ASGR2: variants seen among roughly 807,000 people sequenced by gnomAD.
The protein encoded by ASGR2 is C-type lectin domain family 4 member H2.
In ASGR2, 34 loss-of-function variants were observed where a neutral mutation model predicts 32.3. The observed-to-expected ratio is 1.05, with a 90% CI of 0.80 to 1.40. ASGR2 has a LOEUF of 1.40. Among genes scored for constraint, ASGR2 ranks in the 40% most tolerant of loss-of-function variants. ASGR2 has a pLI of 0.00. For synonymous variants in ASGR2, 143 were observed against 150.0 expected, an observed-to-expected ratio of 0.95 and a Z score of 0.34; for missense variants, 385 against 386.4, an observed-to-expected ratio of 1.00 and a Z score of 0.03.
rs1051778223 is a variant in ASGR2 at position 7,108,402 on chromosome 17, C to T, written c.337+60G>A. 3 of 1,508,924 alleles carry T rather than the reference C, an allele frequency of 2.0e-6. No individual in the cohort carries two copies. Among genetic ancestry groups the T allele is most frequent in the Middle Eastern group, 1.9e-4 (1 of 5,372 alleles). 93.5% of individuals were successfully genotyped at this position (1,508,924 alleles called of 1,614,324 possible). A position where few individuals can be genotyped will look rare whatever the true frequency, so the allele number is the denominator to read the frequency against. ...ACCCCACACAGCCCTGTTGCAGACT[C>T]GGCACTGAGCCCAGCAAACCTGTGC... On this transcript the variant is annotated intron_variant, in intron 4 of 8. Coordinates refer to ENST00000691900, the MANE Select transcript of ASGR2 (RefSeq NM_001201352.2). This position sits in a 1 kb window ranked among gnomAD's most constrained non-coding sequence, Gnocchi z 4.9.
chr17:7,107,457 C>CA lies in ASGR2; in HGVS notation c.410-141_410-140insT. On this transcript the variant is annotated intron_variant, in intron 5 of 8. Coordinates refer to ENST00000691900, the MANE Select transcript of ASGR2 (RefSeq NM_001201352.2). The surrounding 1 kb of genome is among the most constrained non-coding windows in gnomAD (Gnocchi z 5.0). ...CACCACACACCATACCACACACACACCACAGACATGTACACCACACATAGA... is the reference window on the plus strand; with the variant it reads ...CACCACACACCATACCACACACACACACACAGACATGTACACCACACATAGA... 1.2e-6 allele frequency: 1 copy of CA among 824,142 alleles called. No individual in the cohort carries two copies. The highest frequency in any genetic ancestry group is 1.9e-6 in the Non-Finnish European group (1 of 513,002). The allele number at this position is 824,142 out of a possible 1,614,324, so 51.1% of individuals were successfully genotyped here. A position where few individuals can be genotyped will look rare whatever the true frequency, so the allele number is the denominator to read the frequency against.
intron 2 of ASGR2, among the ~76,000 whole-genome samples, chr17:7,109,114 T>C (rs1914293081): frequency 6.6e-6 from 1 of 151,402 alleles, no homozygotes; most frequent in Admixed American, 6.6e-5. Context: ...GCTAATCTGG[T>C]GCACACACAC....
Position 7,107,399 on chromosome 17 carries a change from A to G in ASGR2, c.410-82T>C, listed in dbSNP as rs932528281. The G allele has an allele frequency of 1.4e-4, 190 of 1,384,160 alleles. 2 individuals carry two copies. The South Asian group carries it at 1.7e-3, about 13-fold the overall frequency. The allele number at this position is 1,384,160 out of a possible 1,614,324, so 85.7% of individuals were successfully genotyped here. On this transcript the variant is annotated intron_variant, in intron 5 of 8. Coordinates refer to ENST00000691900, the MANE Select transcript of ASGR2 (RefSeq NM_001201352.2). This position sits in a 1 kb window ranked among gnomAD's most constrained non-coding sequence, Gnocchi z 5.0. ...CCAGCCTGTGGCTGGGGAAGCATATACACCCACAGACACGTACACCATGCA... is the reference window on the plus strand; with the variant it reads ...CCAGCCTGTGGCTGGGGAAGCATATGCACCCACAGACACGTACACCATGCA...
In ASGR2 at chr17:7,108,931, G is replaced by A. The variant is rs745692397; in HGVS notation, c.125-43C>T. 13 of 1,519,256 alleles carry A rather than the reference G, an allele frequency of 8.6e-6. No homozygotes were observed. The highest frequency in any genetic ancestry group is 1.2e-5 in the Non-Finnish European group (13 of 1,129,216). The allele number at this position is 1,519,256 out of a possible 1,614,324, so 94.1% of individuals were successfully genotyped here. A position where few individuals can be genotyped will look rare whatever the true frequency, so the allele number is the denominator to read the frequency against. Reference sequence around the variant, plus strand: ...CAGGAGCCGGCAGCCTGGGTGTGGGGAGCCGGAGGGTAAAGACAGGGCACC... The same window carrying A: ...CAGGAGCCGGCAGCCTGGGTGTGGGAAGCCGGAGGGTAAAGACAGGGCACC... On this transcript the variant is annotated intron_variant, in intron 2 of 8. Transcript: ENST00000691900. This position sits in a 1 kb window ranked among gnomAD's most constrained non-coding sequence, Gnocchi z 4.9.
chr17:7,114,494 C>G lies in ASGR2; in HGVS notation c.-71+121G>C, dbSNP rs1915225595. ...TTGGGCCTTGACCTGGCCAGGAGAC[C>G]CCTCCCCACGCTCATGGACCCGACC... On this transcript the variant is annotated intron_variant, in intron 1 of 8. Transcript: ENST00000691900. This position sits in a 1 kb window ranked among gnomAD's most constrained non-coding sequence, Gnocchi z 4.5. 2 of 1,312,856 alleles carry G rather than the reference C, an allele frequency of 1.5e-6. No homozygotes were observed. Among genetic ancestry groups the G allele is most frequent in the Non-Finnish European group, 1.9e-6 (2 of 1,025,962 alleles). 81.3% of individuals were successfully genotyped at this position (1,312,856 alleles called of 1,614,324 possible). A position where few individuals can be genotyped will look rare whatever the true frequency, so the allele number is the denominator to read the frequency against.
Position 7,101,540 on chromosome 17 carries a change from G to A in ASGR2, c.*35C>T. The A allele has an allele frequency of 6.2e-7, 1 of 1,603,044 alleles. No individual in the cohort carries two copies. Among genetic ancestry groups the A allele is most frequent in the Non-Finnish European group, 8.5e-7 (1 of 1,172,512 alleles). Reference sequence around the variant, plus strand: ...CAACAGAGAAGCCAGAGCTGGGCAGGTGTGGGGTATGGGTTAGCCAGAGGT... The same window carrying A: ...CAACAGAGAAGCCAGAGCTGGGCAGATGTGGGGTATGGGTTAGCCAGAGGT... On this transcript the variant is annotated 3_prime_UTR_variant, in exon 9 of 9. Coordinates refer to ENST00000691900, the MANE Select transcript of ASGR2 (RefSeq NM_001201352.2).
chr17:7,113,407 G>A lies in ASGR2; in HGVS notation c.124+710C>T, dbSNP rs563170926. On this transcript the variant is annotated intron_variant, in intron 2 of 8. Transcript: ENST00000691900. The surrounding 1 kb of genome is among the most constrained non-coding windows in gnomAD (Gnocchi z 5.1). ...ACATACACACACAACACACACACTC[G>A]CACAACATACACACACGCACAACAT... Among the ~76,000 whole-genome samples, 139 of 130,210 alleles carry A rather than the reference G, an allele frequency of 1.1e-3. 1 individual carries two copies. Among genetic ancestry groups the A allele is most frequent in the African/African-American group, 3.9e-3 (131 of 33,826 alleles). 85.4% of individuals were successfully genotyped at this position (130,210 alleles called of 152,430 possible).
At chr17:7,109,741 T>G (rs578096004) in intron 2 of ASGR2, among the ~76,000 whole-genome samples, 28 of 152,062 alleles carry the variant, frequency 1.8e-4, no homozygotes, top group African/African-American at 6.0e-4. Context: ...AACACACATT[T>G]GCACACACTC....
intron 2 of ASGR2, among the ~76,000 whole-genome samples, chr17:7,112,921 A>C (rs930890384): frequency 6.6e-6 from 1 of 152,012 alleles, no homozygotes; most frequent in Non-Finnish European, 1.5e-5. Flanking sequence ...TCTGCCTAGC[A>C]CTGCTCAGAT....
At chr17:7,103,945 T>G (rs1293826944) in intron 7 of ASGR2, among the ~76,000 whole-genome samples, 1 of 151,060 alleles carries the variant, frequency 6.6e-6, no homozygotes, top group Non-Finnish European at 1.5e-5. Flanking sequence ...CAAGAACAGT[T>G]TCTTTACATG....
Position 7,114,490 on chromosome 17 carries a change from A to C in ASGR2, c.-71+125T>G, listed in dbSNP as rs1915224914. On this transcript the variant is annotated intron_variant, in intron 1 of 8. Coordinates refer to ENST00000691900, the MANE Select transcript of ASGR2 (RefSeq NM_001201352.2). This position sits in a 1 kb window ranked among gnomAD's most constrained non-coding sequence, Gnocchi z 4.5. ...CCGCTTGGGCCTTGACCTGGCCAGG[A>C]GACCCCTCCCCACGCTCATGGACCC... 3.0e-6 allele frequency: 4 copies of C among 1,327,290 alleles called. No individual in the cohort carries two copies. The East Asian group carries it at 1.3e-4, about 42-fold the overall frequency. The allele number at this position is 1,327,290 out of a possible 1,614,324, so 82.2% of individuals were successfully genotyped here. A position where few individuals can be genotyped will look rare whatever the true frequency, so the allele number is the denominator to read the frequency against.
Position 7,108,661 on chromosome 17 carries a change from C to T in ASGR2, c.242-104G>A, listed in dbSNP as rs749487542. On this transcript the variant is annotated intron_variant, in intron 3 of 8. Transcript: ENST00000691900. This position sits in a 1 kb window ranked among gnomAD's most constrained non-coding sequence, Gnocchi z 4.9. ...GTCCCCGCATTTGCCCCAGCTTGTG[C>T]TCCACCCCGCCTCCATCCCTTCCCC... The T allele has an allele frequency of 4.1e-5, 66 of 1,602,048 alleles. No individual in the cohort carries two copies. Among genetic ancestry groups the T allele is most frequent in the Non-Finnish European group, 5.5e-5 (65 of 1,172,634 alleles).
chr17:7,101,713 A>G lies in ASGR2; in HGVS notation c.783T>C (p.Asn261=), dbSNP rs765338093. ...TTCCACCCAGCTCGTGCCCGTGCCA[A>G]TTATCTGGCTGAGTGACAGCCCAGT... is the stretch of plus-strand genomic sequence containing the variant. ...YKNWAVTQPD[N]WHGHELGGSE... The change falls in exon 9 of 9, where the codon AAT becomes AAC. Residue 261 remains asparagine, a synonymous_variant. Transcript: ENST00000691900. The G allele has an allele frequency of 5.6e-6, 9 of 1,614,002 alleles. No homozygotes were observed. Among genetic ancestry groups the G allele is most frequent in the East Asian group, 2.2e-5 (1 of 44,894 alleles).
In ASGR2 at chr17:7,107,938, T is replaced by C. The variant is rs1914069883; in HGVS notation, c.338-31A>G. ...AGCGGAAAGCCAGCTGTTTCCCCGC[T>C]GAGCCTCCCTCCGTCCTCATGCTGC... On this transcript the variant is annotated intron_variant, in intron 4 of 8. Coordinates refer to ENST00000691900, the MANE Select transcript of ASGR2 (RefSeq NM_001201352.2). The surrounding 1 kb of genome is among the most constrained non-coding windows in gnomAD (Gnocchi z 5.0). 1 of 1,613,122 alleles carries C rather than the reference T, an allele frequency of 6.2e-7. No homozygotes were observed. Among genetic ancestry groups the C allele is most frequent in the South Asian group, 1.1e-5 (1 of 90,994 alleles).
rs531929675 is a variant in ASGR2 at position 7,112,774 on chromosome 17, G to A, written c.124+1343C>T. Among the ~76,000 whole-genome samples the A allele has an allele frequency of 1.2e-4, 19 of 152,088 alleles. No homozygotes were observed. The South Asian group carries it at 3.7e-3, about 30-fold the overall frequency. On this transcript the variant is annotated intron_variant, in intron 2 of 8. Transcript: ENST00000691900. ...CCCTCGGTTGGCCAGCCTCAGGAAT[G>A]AGGAGTCCCTCATTCCAGCCCAGCT...
At chr17:7,105,937 C>T (rs1247923634) in intron 7 of ASGR2, among the ~76,000 whole-genome samples, 3 of 151,850 alleles carry the variant, frequency 2.0e-5, no homozygotes, top group Admixed American at 2.0e-4. Context: ...TACAGGCACC[C>T]GCCACCATGC....
Position 7,101,587 on chromosome 17 carries a change from G to A in ASGR2, c.909C>T (p.Gly303=), listed in dbSNP as rs140278403. Reference sequence around the variant, plus strand: ...AGGTGTGCTGGGGTCAGGCCACCTCGCCGGTGGCATTCCGCCTTTTCTCAC... The same window carrying A: ...AGGTGTGCTGGGGTCAGGCCACCTCACCGGTGGCATTCCGCCTTTTCTCAC... ...WVCEKRRNAT[G]EVA is the part of the protein sequence containing the mutation. The change falls in exon 9 of 9, where the codon GGC becomes GGT. Residue 303 remains glycine, a synonymous_variant. Transcript: ENST00000691900. 3.2e-3 allele frequency: 5,098 copies of A among 1,614,094 alleles called. 65 individuals carry two copies. Among genetic ancestry groups the A allele is most frequent in the Middle Eastern group, 0.027 (166 of 6,062 alleles).
In ASGR2 at chr17:7,107,027, C is replaced by A. The variant is rs1484718443; in HGVS notation, c.621G>T (p.Leu207=). 1 of 1,614,176 alleles carries A rather than the reference C, an allele frequency of 6.2e-7. No homozygotes were observed. Among genetic ancestry groups the A allele is most frequent in the East Asian group, 2.2e-5 (1 of 44,874 alleles). The part of the protein sequence containing the change: ...EKYCQLENAH[L]VVINSWEEQK... ...GCTCCTCCCAGGAGTTGATGACCAC[C>A]AGGTGTGCGTTCTCCAGCTGGCAGT... The change falls in exon 7 of 9, where the codon CTG becomes CTT. Residue 207 remains leucine, a synonymous_variant. Coordinates refer to ENST00000691900, the MANE Select transcript of ASGR2 (RefSeq NM_001201352.2). The surrounding 1 kb of genome is among the most constrained non-coding windows in gnomAD (Gnocchi z 5.0).
At chr17:7,112,362 A>G (rs2151736752) in intron 2 of ASGR2, among the ~76,000 whole-genome samples, 1 of 151,874 alleles carries the variant, frequency 6.6e-6, no homozygotes, top group East Asian at 2.0e-4. Context: ...GCTGGAGGGA[A>G]ATGCGGTGAC....
Sources: allele counts gnomAD v4.1 joint callset (sites outside exome capture counted in the v4.1 genomes callset), GRCh38; gene constraint gnomAD v4.1.1; non-coding constraint Gnocchi (gnomAD v3.1); transcripts MANE v1.5; gene names NCBI Gene and HGNC (gene_info 2026-07-23, HGNC 2026-07-21).